The following ATP7A variants were observed in gnomAD, a reference collection of about 807,000 sequenced individuals.
The protein encoded by ATP7A is copper-transporting ATPase 1.
Under a neutral mutation model 83.5 loss-of-function variants are expected in ATP7A, and 7 were observed. The ratio of observed to expected loss-of-function variants is 0.08; its 90% CI spans 0.05 to 0.16. ATP7A has a LOEUF of 0.16. ATP7A is among the 10% of genes least tolerant of loss of function. ATP7A has a pLI of 1.00. For missense variants in ATP7A, 940 were observed against 1,120.8 expected (o/e 0.84, Z 2.30); for synonymous variants, 354 against 395.2 (o/e 0.90, Z 1.24).
intron 15 of ATP7A, among the ~76,000 whole-genome samples, chrX:78,030,976 C>T (rs1459985514): frequency 9.0e-6 from 1 of 111,119 alleles, no homozygotes; most frequent in Non-Finnish European, 1.9e-5. Flanking sequence ...TAGGCTTGAG[C>T]CACCGCACCT....
At chrX:78,039,035 AATTT>A in intron 18 of ATP7A, 53 bp downstream of exon 18, 1 of 1,165,543 alleles carries the variant, frequency 8.6e-7, no homozygotes, top group Non-Finnish European at 1.2e-6. Flanking sequence ...TTGTTTTATT[AATTT>A]ATTTATTTTT....
At chrX:77,937,890 C>T (rs963350109) in intron 1 of ATP7A, among the ~76,000 whole-genome samples, 9 of 104,339 alleles carry the variant, frequency 8.6e-5, no homozygotes, top group Admixed American at 2.1e-4. Flanking sequence ...CTCTCTCTCA[C>T]ACACACACAC....
intron 2 of ATP7A, among the ~76,000 whole-genome samples, chrX:77,987,444 T>TTGTGTGTG (rs3986431): frequency 0.015 from 1,259 of 85,827 alleles, 38 homozygotes; most frequent in African/African-American, 0.048. Flanking sequence ...AACCCAGTAT[T>TTGTGTGTG]TGTGTGTGTG....
chrX:77,971,921 A>C (rs782243061), intron 2 of ATP7A, among the ~76,000 whole-genome samples, 160 bp downstream of exon 2: 1 of 111,976 alleles, frequency 8.9e-6, no homozygotes, highest in South Asian at 3.7e-4. Context: ...TTGACCCATT[A>C]ATTCCTCTCA....
chrX:77,922,519 A>C (rs1283921383), intron 1 of ATP7A, among the ~76,000 whole-genome samples: 1 of 111,093 alleles, frequency 9.0e-6, no homozygotes, highest in Non-Finnish European at 1.9e-5. Flanking sequence ...ATGTGTGTTT[A>C]TATGTAGACA....
intron 2 of ATP7A, among the ~76,000 whole-genome samples, chrX:77,980,321 A>G (rs374943104): frequency 1.2e-3 from 128 of 110,403 alleles, no homozygotes; most frequent in African/African-American, 2.8e-3. Context: ...GGTGTCGCGC[A>G]CCTGTAATCC....
At position 78,033,796 on chromosome X, in the gene ATP7A, C is replaced by T. The variant is rs1460548428; in HGVS notation, c.3486C>T (p.Ser1162=). Residue 1162 remains serine (S), a synonymous_variant, in exon 17 of 23, where the codon TCC becomes TCT. Coordinates refer to ENST00000341514, the MANE Select transcript of ATP7A (RefSeq NM_000052.7). ...ATGAACAGTCATCAACTTCGTCTTC[C>T]ATGATTATTGATGCCCAGATCTCAA... The part of the protein sequence containing the change: ...ASNEQSSTSS[S]MIIDAQISNA... The T allele has an allele frequency of 8.3e-7, 1 of 1,208,430 alleles. No homozygotes were observed. The highest frequency in any genetic ancestry group is 1.1e-6 in the Non-Finnish European group (1 of 894,428).
chrX:78,018,515 A>G (rs2077883764), intron 12 of ATP7A, among the ~76,000 whole-genome samples: 1 of 111,331 alleles, frequency 9.0e-6, no homozygotes, highest in Non-Finnish European at 1.9e-5. Flanking sequence ...AAAAACAAAA[A>G]ACAAAAAAAC....
At chrX:77,932,091 G>A (rs2077286025) in intron 1 of ATP7A, among the ~76,000 whole-genome samples, 1 of 110,677 alleles carries the variant, frequency 9.0e-6, no homozygotes, top group South Asian at 3.8e-4. Flanking sequence ...GGGCGGAGAC[G>A]CTCCTCACTT....
intron 1 of ATP7A, among the ~76,000 whole-genome samples, chrX:77,915,352 T>A (rs1448751703): frequency 9.2e-6 from 1 of 108,286 alleles, no homozygotes; most frequent in African/African-American, 3.4e-5. Context: ...GCCTGTCTTG[T>A]CTGGCTCAGT....
At chrX:78,015,208 G>A (rs781942161) in intron 11 of ATP7A, among the ~76,000 whole-genome samples, 13 of 111,566 alleles carry the variant, frequency 1.2e-4, no homozygotes, top group Non-Finnish European at 2.1e-4. Flanking sequence ...CTAAAACAGC[G>A]CCTCTCTTCT....
intron 1 of ATP7A, among the ~76,000 whole-genome samples, chrX:77,926,491 C>T (rs1236455297): frequency 4.6e-5 from 5 of 109,663 alleles, no homozygotes; most frequent in African/African-American, 1.3e-4. Context: ...CCACCACACC[C>T]GGCTAATTTT....
chrX:78,016,259 A>T (rs926502328), intron 12 of ATP7A, among the ~76,000 whole-genome samples: 4 of 110,713 alleles, frequency 3.6e-5, no homozygotes, highest in Non-Finnish European at 7.6e-5. Flanking sequence ...ATGCTTATAA[A>T]ACCATAAGGT....
chrX:78,035,674 C>T (rs1176911840), intron 17 of ATP7A, among the ~76,000 whole-genome samples: 1 of 111,736 alleles, frequency 8.9e-6, no homozygotes, highest in Non-Finnish European at 1.9e-5. Flanking sequence ...ACTCCATGTT[C>T]CATCCCTACC....
chrX:77,990,644 G>A (rs782748467), intron 4 of ATP7A, among the ~76,000 whole-genome samples: 1 of 111,963 alleles, frequency 8.9e-6, no homozygotes. Context: ...CAAAGTTTTC[G>A]TATTTCCTGA....
chrX:77,965,567 G>C (rs1253129284), intron 1 of ATP7A: 1 of 152,227 alleles, frequency 6.6e-6, no homozygotes, highest in Non-Finnish European at 1.3e-5. Flanking sequence ...GAGTATAAAT[G>C]GTACAGTCAC....
intron 7 of ATP7A, among the ~76,000 whole-genome samples, chrX:78,010,811 C>G (rs1317372615): frequency 9.1e-6 from 1 of 109,756 alleles, no homozygotes; most frequent in Non-Finnish European, 1.9e-5. Flanking sequence ...GAACTCCTGA[C>G]TTTGTGATTT....
At chrX:78,044,430 T>G (rs1048709301) in intron 21 of ATP7A, among the ~76,000 whole-genome samples, 22 of 111,884 alleles carry the variant, frequency 2.0e-4, no homozygotes, top group Non-Finnish European at 5.6e-5. Context: ...TTAATTTTTT[T>G]CTAAATAGAT....
chrX:78,003,510 A>G (rs2077753861), intron 6 of ATP7A, among the ~76,000 whole-genome samples: 1 of 110,775 alleles, frequency 9.0e-6, no homozygotes, highest in African/African-American at 3.3e-5. Flanking sequence ...ATCTAGTAGC[A>G]TGTAATTGAA....
Sources: allele counts gnomAD v4.1 joint callset (sites outside exome capture counted in the v4.1 genomes callset), GRCh38; gene constraint gnomAD v4.1.1; transcripts MANE v1.5; gene names NCBI Gene and HGNC (gene_info 2026-07-23, HGNC 2026-07-21).